ABLIM3: variants seen among roughly 807,000 people sequenced by gnomAD.
ABLIM3 encodes actin binding LIM protein family member 3.
Under a neutral mutation model 109.5 loss-of-function variants are expected in ABLIM3, and 61 were observed. That is an observed-to-expected ratio of 0.56 (90% CI 0.45 to 0.69). The LOEUF is 0.69. Among genes scored for constraint, ABLIM3 ranks in the 30% least tolerant of loss-of-function variants. The pLI is 0.00. For missense variants in ABLIM3, 796 were observed against 889.5 expected (o/e 0.89, Z 1.34); for synonymous variants, 300 against 324.8 (o/e 0.92, Z 0.82).
Position 149,246,516 on chromosome 5 carries a change from G to A in ABLIM3, c.1521G>A (p.Glu507=), listed in dbSNP as rs145745755. The change falls in exon 17 of 24, where the codon GAG becomes GAA. Residue 507 remains glutamate (E), a synonymous_variant. Transcript: ENST00000309868. Reference sequence around the variant, plus strand: ...CCAGAAGGTTCTCGTCTGGAGGAGAGGAGGATGATTTTGACCGCAGCATGC... The same window carrying A: ...CCAGAAGGTTCTCGTCTGGAGGAGAAGAGGATGATTTTGACCGCAGCATGC... The part of the protein sequence containing the change: ...PRARRFSSGG[E]EDDFDRSMHK... 1.9e-5 allele frequency: 30 copies of A among 1,614,086 alleles called. No individual in the cohort carries two copies. The African/African-American group carries it at 3.1e-4, about 17-fold the overall frequency.
chr5:149,156,899 C>T (rs962665242), intron 2 of ABLIM3, among the ~76,000 whole-genome samples: 1 of 152,182 alleles, frequency 6.6e-6, no homozygotes, highest in Admixed American at 6.5e-5. Flanking sequence ...TGATTTGGCC[C>T]GTGAGCCGGT....
intron 2 of ABLIM3, among the ~76,000 whole-genome samples, chr5:149,179,518 T>C (rs1362207049): frequency 6.6e-6 from 1 of 152,214 alleles, no homozygotes; most frequent in African/African-American, 2.4e-5. Context: ...TTGGTTCCCA[T>C]TGCAAATTGT....
At chr5:149,203,657 T>C (rs994984363) in intron 5 of ABLIM3, among the ~76,000 whole-genome samples, 3 of 151,256 alleles carry the variant, frequency 2.0e-5, no homozygotes, top group African/African-American at 7.3e-5. Flanking sequence ...TAATCACCAC[T>C]ATTACCACTA....
intron 7 of ABLIM3, among the ~76,000 whole-genome samples, chr5:149,214,086 A>G (rs1290282869): frequency 6.6e-6 from 1 of 152,194 alleles, no homozygotes; most frequent in Admixed American, 6.5e-5. Context: ...AGATTTTACC[A>G]CTTCTAGCCC....
At chr5:149,167,106 G>GCTTTT (rs1754906736) in intron 2 of ABLIM3, among the ~76,000 whole-genome samples, 1 of 152,148 alleles carries the variant, frequency 6.6e-6, no homozygotes. Flanking sequence ...GATTTCTAGA[G>GCTTTT]TACAACAGCT....
intron 2 of ABLIM3, among the ~76,000 whole-genome samples, chr5:149,165,693 A>G (rs1213877246): frequency 6.6e-6 from 1 of 152,102 alleles, no homozygotes; most frequent in African/African-American, 2.4e-5. Flanking sequence ...CACCTCCTGG[A>G]AAGACCTTTC....
chr5:149,186,445 G>A (rs1364630594), intron 3 of ABLIM3, among the ~76,000 whole-genome samples: 1 of 151,978 alleles, frequency 6.6e-6, no homozygotes, highest in Non-Finnish European at 1.5e-5. Context: ...AATTACTTAT[G>A]AAAATATCTG....
At chr5:149,251,261 C>T in intron 20 of ABLIM3, 98 bp from the exon 21 acceptor site, 1 of 1,370,738 alleles carries the variant, frequency 7.3e-7, no homozygotes, top group Middle Eastern at 1.8e-4. Flanking sequence ...GGCCCTATGT[C>T]CCACAAGCGC....
intron 5 of ABLIM3, among the ~76,000 whole-genome samples, chr5:149,201,800 G>A (rs940867349): frequency 1.9e-4 from 29 of 152,100 alleles, no homozygotes; most frequent in African/African-American, 5.8e-4. Flanking sequence ...GAGGACCTCC[G>A]AGACTGATGG....
chr5:149,163,758 G>A (rs532814934), intron 2 of ABLIM3, among the ~76,000 whole-genome samples: 1 of 152,062 alleles, frequency 6.6e-6, no homozygotes, highest in Non-Finnish European at 1.5e-5. Context: ...GTGAATTTGG[G>A]GGGTGAGAGA....
At chr5:149,170,157 T>C (rs1755248484) in intron 2 of ABLIM3, among the ~76,000 whole-genome samples, 1 of 151,892 alleles carries the variant, frequency 6.6e-6, no homozygotes, top group Non-Finnish European at 1.5e-5. Context: ...GGTTTGTATA[T>C]TGGGAAGCAC....
At chr5:149,227,713 A>G (rs1761456613) in intron 8 of ABLIM3, among the ~76,000 whole-genome samples, 1 of 152,208 alleles carries the variant, frequency 6.6e-6, no homozygotes, top group African/African-American at 2.4e-5. Flanking sequence ...GACACACCCC[A>G]ATATAGTGAA....
At chr5:149,252,874 G>T in intron 23 of ABLIM3, 37 bp downstream of exon 23, 2 of 1,558,996 alleles carry the variant, frequency 1.3e-6, no homozygotes, top group South Asian at 2.2e-5. Context: ...TCTTGGGTTG[G>T]AAGAAATTTC....
chr5:149,180,025 A>G (rs575027945), intron 2 of ABLIM3, among the ~76,000 whole-genome samples: 52 of 152,334 alleles, frequency 3.4e-4, no homozygotes, highest in African/African-American at 1.2e-3. Flanking sequence ...TCAGAAATCA[A>G]TCACATAATC....
intron 7 of ABLIM3, 65 bp from the exon 8 acceptor site, chr5:149,216,894 C>A: frequency 1.4e-6 from 2 of 1,425,008 alleles, no homozygotes; most frequent in Non-Finnish European, 2.0e-6. Flanking sequence ...AGATTCAAAC[C>A]CAATCTGCCC....
In ABLIM3 at chr5:149,226,024, A is replaced by G. The variant is rs1280484436; in HGVS notation, c.758-4625A>G. Among the ~76,000 whole-genome samples the G allele has an allele frequency of 9.6e-4, 104 of 108,504 alleles. No individual in the cohort carries two copies. In the Middle Eastern group the frequency reaches 0.017, roughly 18 times the overall value. 71.2% of individuals were successfully genotyped at this position (108,504 alleles called of 152,430 possible). A position where few individuals can be genotyped will look rare whatever the true frequency, so the allele number is the denominator to read the frequency against. On this transcript the variant is annotated intron_variant, in intron 8 of 23. Transcript: ENST00000309868. The stretch of plus-strand genomic sequence containing the variant: ...TATATATATATATATATATATATAT[A>G]TATCACAGTTTCTTTATCTACTCAT...
At chr5:149,202,552 ACCAAAG>A (rs764702645) in intron 5 of ABLIM3, among the ~76,000 whole-genome samples, 4 of 152,250 alleles carry the variant, frequency 2.6e-5, no homozygotes, top group Non-Finnish European at 4.4e-5. Flanking sequence ...GATACAGGAA[ACCAAAG>A]CCAGGTATAA....
In ABLIM3 at chr5:149,173,848, C is replaced by T. The variant is rs191259978; in HGVS notation, c.14-9604C>T. Among the ~76,000 whole-genome samples the T allele has an allele frequency of 3.3e-3, 507 of 151,996 alleles. 7 individuals are homozygous for T. The highest frequency in any genetic ancestry group is 0.012 in the African/African-American group (480 of 41,458). ...CATCATGGCTAACACGGTGAAACCCCGTCTCTAATAAAAATACAAAAAAAT... is the reference window on the plus strand; with the variant it reads ...CATCATGGCTAACACGGTGAAACCCTGTCTCTAATAAAAATACAAAAAAAT... On this transcript the variant is annotated intron_variant, in intron 2 of 23. Transcript: ENST00000309868.
chr5:149,235,595 C>T (rs936015060), intron 10 of ABLIM3, among the ~76,000 whole-genome samples: 2 of 152,156 alleles, frequency 1.3e-5, no homozygotes, highest in African/African-American at 2.4e-5. Context: ...GGGTAAAGTG[C>T]CAAAATGAAT....
Sources: gnomAD v4.1 joint callset for allele counts (sites outside exome capture counted in the v4.1 genomes callset) on GRCh38, gnomAD v4.1.1 for gene constraint, MANE v1.5 for transcripts, NCBI Gene and HGNC (gene_info 2026-07-23, HGNC 2026-07-21) for gene names.